The following KPNA1 variants were observed in gnomAD, a reference collection of about 807,000 sequenced individuals.
The protein encoded by KPNA1 is karyopherin subunit alpha 1.
A neutral mutation model predicts 70.5 loss-of-function variants in KPNA1; 10 were observed. That is an observed-to-expected ratio of 0.14 (90% CI 0.09 to 0.24). The LOEUF (loss-of-function observed/expected upper bound fraction) is 0.24. KPNA1 is among the 10% of genes least tolerant of loss of function. The pLI is 1.00. For synonymous variants in KPNA1, 192 were observed against 221.9 expected, an observed-to-expected ratio of 0.87 and a Z score of 1.20; for missense variants, 397 against 637.9, an observed-to-expected ratio of 0.62 and a Z score of 4.07.
intron 11 of KPNA1, among the ~76,000 whole-genome samples, chr3:122,435,926 C>T (rs538325580): frequency 6.0e-4 from 92 of 152,220 alleles, no homozygotes; most frequent in South Asian, 1.7e-3. Context: ...AGGATAACAG[C>T]GATGTTCAGG....
At chr3:122,445,455 C>T (rs1472303741) in intron 9 of KPNA1, among the ~76,000 whole-genome samples, 3 of 152,172 alleles carry the variant, frequency 2.0e-5, no homozygotes, top group Admixed American at 2.0e-4. Flanking sequence ...AAATCCTTTA[C>T]AGACAAGCAA....
Position 122,467,287 on chromosome 3 carries a change from A to G in KPNA1, c.237+35T>C, listed in dbSNP as rs777854982. Reference sequence around the variant, plus strand: ...AAGGAAATCTACATCTCATATCTTCATCACAAAAACACTGAAAAGAGTTCA... The same window carrying G: ...AAGGAAATCTACATCTCATATCTTCGTCACAAAAACACTGAAAAGAGTTCA... On this transcript the variant is annotated intron_variant, in intron 3 of 13. Transcript: ENST00000344337. 4.2e-6 allele frequency: 5 copies of G among 1,179,884 alleles called. No homozygotes were observed. The African/African-American group carries it at 6.1e-5, about 14-fold the overall frequency. 73.1% of individuals were successfully genotyped at this position (1,179,884 alleles called of 1,614,324 possible).
intron 1 of KPNA1, among the ~76,000 whole-genome samples, chr3:122,510,410 T>C (rs1342286301): frequency 6.6e-6 from 1 of 152,116 alleles, no homozygotes; most frequent in African/African-American, 2.4e-5. Flanking sequence ...AGGTTAGCTG[T>C]CTCAGGAAAT....
chr3:122,479,556 T>G (rs906596140), intron 2 of KPNA1, among the ~76,000 whole-genome samples: 1 of 151,982 alleles, frequency 6.6e-6, no homozygotes, highest in Admixed American at 6.6e-5. Flanking sequence ...GGTCAGGAGT[T>G]CAAGACCAGC....
rs567976282 is a variant in KPNA1 at position 122,509,035 on chromosome 3, C to G, written c.-6+5722G>C. 5.9e-4 allele frequency among the ~76,000 whole-genome samples: 90 copies of G among 152,240 alleles called. No individual in the cohort carries two copies. The South Asian group carries it at 0.018, about 31-fold the overall frequency. ...CCGAGGAGGGTGGATCACTTGAGGT[C>G]AGGAGTTCAAGACCAGCCTGGCCAA... On this transcript the variant is annotated intron_variant, in intron 1 of 13. Transcript: ENST00000344337.
intron 3 of KPNA1, among the ~76,000 whole-genome samples, chr3:122,465,135 A>C (rs897303565): frequency 2.6e-5 from 4 of 151,798 alleles, no homozygotes; most frequent in Non-Finnish European, 5.9e-5. Context: ...TTTACATTAT[A>C]ATATTTAAGT....
chr3:122,466,049 T>G (rs1042859114), intron 3 of KPNA1, among the ~76,000 whole-genome samples: 3 of 152,184 alleles, frequency 2.0e-5, no homozygotes, highest in African/African-American at 7.2e-5. Flanking sequence ...TTAAAAAAAT[T>G]GGAAAGACTG....
chr3:122,435,854 G>A (rs1159448763), intron 11 of KPNA1, among the ~76,000 whole-genome samples: 1 of 152,044 alleles, frequency 6.6e-6, no homozygotes, highest in Non-Finnish European at 1.5e-5. Flanking sequence ...ACCCTGTGAT[G>A]ATTGCATCAT....
chr3:122,446,308 T>G (rs1010493886), intron 9 of KPNA1, among the ~76,000 whole-genome samples: 1 of 152,128 alleles, frequency 6.6e-6, no homozygotes, highest in African/African-American at 2.4e-5. Context: ...AGAACAGAAA[T>G]CACAACAAAC....
rs1180192195 is a variant in KPNA1 at position 122,514,914 on chromosome 3, C to T, written c.-163G>A. The T allele has an allele frequency of 1.3e-5, 2 of 152,300 alleles. No homozygotes were observed. The highest frequency in any genetic ancestry group is 3.8e-4 in the East Asian group (2 of 5,196). The allele number at this position is 152,300 out of a possible 1,614,324, so 9.4% of individuals were successfully genotyped here. ...CGCCGCCTCGCACCGAGCAGCGAGA[C>T]TCAGCTCAGCCGGCGTTCGCAGTGC... On this transcript the variant is annotated 5_prime_UTR_variant, in exon 1 of 14. Transcript: ENST00000344337.
chr3:122,430,457 C>CA (rs2075886314), intron 12 of KPNA1, among the ~76,000 whole-genome samples: 1 of 151,246 alleles, frequency 6.6e-6, no homozygotes, highest in Non-Finnish European at 1.5e-5. Flanking sequence ...CTCTTAAAGT[C>CA]AAAGTTTCCT....
chr3:122,442,712 T>C (rs2076080227), intron 9 of KPNA1: 1 of 152,212 alleles, frequency 6.6e-6, no homozygotes, highest in Admixed American at 6.5e-5. Context: ...TCACTATCTT[T>C]TGATTTTCCT....
chr3:122,498,789 G>A (rs2076791879), intron 1 of KPNA1, among the ~76,000 whole-genome samples: 1 of 152,134 alleles, frequency 6.6e-6, no homozygotes, highest in Non-Finnish European at 1.5e-5. Flanking sequence ...TTTCTATGAA[G>A]AAGTCAGCTA....
At chr3:122,469,433 T>C (rs907937825) in intron 2 of KPNA1, among the ~76,000 whole-genome samples, 31 of 152,164 alleles carry the variant, frequency 2.0e-4, no homozygotes, top group African/African-American at 6.5e-4. Context: ...TTAAAAGAAG[T>C]TTCATCACTT....
At chr3:122,431,335 T>C (rs976931795) in intron 12 of KPNA1, among the ~76,000 whole-genome samples, 1 of 132,328 alleles carries the variant, frequency 7.6e-6, no homozygotes, top group African/African-American at 2.5e-5. Context: ...CCAGCTAATT[T>C]TTGTAGAGAC....
At chr3:122,459,410 T>A (rs2076298288) in intron 5 of KPNA1, 1 of 985,176 alleles carries the variant, frequency 1.0e-6, no homozygotes, top group Non-Finnish European at 1.2e-6. Context: ...AAACACTTTT[T>A]TCAGCATGAA....
At chr3:122,502,807 T>C (rs2076843810) in intron 1 of KPNA1, among the ~76,000 whole-genome samples, 2 of 152,166 alleles carry the variant, frequency 1.3e-5, no homozygotes, top group Non-Finnish European at 2.9e-5. Flanking sequence ...AATAGTAGTG[T>C]TGCAATGATG....
At chr3:122,486,448 A>G (rs2076629819) in intron 2 of KPNA1, among the ~76,000 whole-genome samples, 1 of 152,228 alleles carries the variant, frequency 6.6e-6, no homozygotes, top group Non-Finnish European at 1.5e-5. Context: ...AGAGGTAGAG[A>G]AAAATGTACT....
chr3:122,470,708 G>A, intron 2 of KPNA1, among the ~76,000 whole-genome samples: 1 of 151,848 alleles, frequency 6.6e-6, no homozygotes, highest in East Asian at 1.9e-4. Flanking sequence ...TTACAATCTA[G>A]GACATTCTAG....
Sources: allele counts gnomAD v4.1 joint callset (sites outside exome capture counted in the v4.1 genomes callset), GRCh38; gene constraint gnomAD v4.1.1; transcripts MANE v1.5; gene names NCBI Gene and HGNC (gene_info 2026-07-23, HGNC 2026-07-21).